Variants in SPOCK1 observed in about 807,000 individuals in gnomAD.
SPOCK1 encodes testican-1.
In SPOCK1, 23 loss-of-function variants were observed where a neutral mutation model predicts 55.3. That is an observed-to-expected ratio of 0.42 (90% CI 0.30 to 0.59). SPOCK1 has a LOEUF of 0.59. Among genes scored for constraint, SPOCK1 ranks in the 20% least tolerant of loss-of-function variants. The pLI, the probability that SPOCK1 is intolerant of heterozygous loss-of-function variation, is 0.22. For synonymous variants in SPOCK1, 226 were observed against 221.0 expected, an observed-to-expected ratio of 1.02 and a Z score of -0.20; for missense variants, 499 against 552.5, an observed-to-expected ratio of 0.90 and a Z score of 0.97.
chr5:137,050,570 C>A (rs972912718), intron 6 of SPOCK1, among the ~76,000 whole-genome samples: 4 of 151,774 alleles, frequency 2.6e-5, no homozygotes, highest in Non-Finnish European at 5.9e-5. Context: ...AACCCGGTAC[C>A]TCAGATGGAA....
intron 3 of SPOCK1, among the ~76,000 whole-genome samples, chr5:137,205,037 T>G (rs1381667510): frequency 6.6e-6 from 1 of 152,186 alleles, no homozygotes; most frequent in Admixed American, 6.5e-5. Context: ...AGAAGATGAT[T>G]TATTCCCTAT....
chr5:137,004,514 G>A (rs1289082896), intron 6 of SPOCK1, among the ~76,000 whole-genome samples: 1 of 152,100 alleles, frequency 6.6e-6, no homozygotes, highest in Admixed American at 6.5e-5. Context: ...GGCTCAGAGA[G>A]GATCGTGTGA....
intron 2 of SPOCK1, among the ~76,000 whole-genome samples, chr5:137,351,055 C>T (rs1253643684): frequency 6.6e-6 from 1 of 152,208 alleles, no homozygotes; most frequent in Non-Finnish European, 1.5e-5. Context: ...GCAAATTCCA[C>T]ATCTGTTTCA....
At chr5:137,085,380 A>G (rs1471526111) in intron 5 of SPOCK1, among the ~76,000 whole-genome samples, 1 of 152,198 alleles carries the variant, frequency 6.6e-6, no homozygotes, top group Non-Finnish European at 1.5e-5. Flanking sequence ...GCAGAAAGTG[A>G]CATTTCCCCA....
intron 3 of SPOCK1, among the ~76,000 whole-genome samples, chr5:137,152,826 C>CA (rs1429736075): frequency 2.6e-4 from 40 of 152,216 alleles, no homozygotes; most frequent in African/African-American, 9.2e-4. Context: ...CCTCAAACAT[C>CA]TGAGGTGCTT....
chr5:137,299,186 A>G (rs1198537283), intron 2 of SPOCK1, among the ~76,000 whole-genome samples: 1 of 152,088 alleles, frequency 6.6e-6, no homozygotes, highest in Admixed American at 6.5e-5. Flanking sequence ...TCCTTAATTA[A>G]AACAGTCTAG....
chr5:137,301,776 C>T (rs1271789861), intron 2 of SPOCK1, among the ~76,000 whole-genome samples: 1 of 151,548 alleles, frequency 6.6e-6, no homozygotes, highest in Non-Finnish European at 1.5e-5. Flanking sequence ...TGTACACAAG[C>T]AGAGACAATT....
intron 2 of SPOCK1, among the ~76,000 whole-genome samples, chr5:137,324,530 G>C (rs1353013477): frequency 6.6e-6 from 1 of 152,130 alleles, no homozygotes; most frequent in Non-Finnish European, 1.5e-5. Flanking sequence ...CAAAAGAGGA[G>C]ATACTGCATC....
intron 6 of SPOCK1, among the ~76,000 whole-genome samples, chr5:137,011,427 T>A (rs1751346197): frequency 6.6e-6 from 1 of 152,174 alleles, no homozygotes; most frequent in Non-Finnish European, 1.5e-5. Context: ...GAGATTGAAT[T>A]CATGGTGTAA....
intron 4 of SPOCK1, among the ~76,000 whole-genome samples, chr5:137,131,989 A>AAAAAAAAAAAATATAT (rs1391176339): frequency 2.8e-5 from 1 of 36,068 alleles, no homozygotes; most frequent in African/African-American, 1.9e-4. Flanking sequence ...AAAAAAAAAA[A>AAAAAAAAAAAATATAT]ATATATATAT....
At chr5:137,125,320 T>C (rs547438439) in intron 4 of SPOCK1, among the ~76,000 whole-genome samples, 16 of 152,254 alleles carry the variant, frequency 1.1e-4, no homozygotes, top group African/African-American at 3.6e-4. Flanking sequence ...ATCTGGGCAT[T>C]GCAAGTGAGT....
rs1171881114 is a variant in SPOCK1, at chr5:136,976,720, T to A, written c.*1934A>T. ...ATGGAGTTGAGATCCCAAAACAGAGTTTGCCTATGGTCTGTCTTCCTATGG... is the reference window on the plus strand; with the variant it reads ...ATGGAGTTGAGATCCCAAAACAGAGATTGCCTATGGTCTGTCTTCCTATGG... On this transcript the variant is annotated 3_prime_UTR_variant, in exon 11 of 11. Transcript: ENST00000394945. 1 of 152,256 alleles carries A rather than the reference T, an allele frequency of 6.6e-6. No individual in the cohort carries two copies. Among genetic ancestry groups the A allele is most frequent in the Non-Finnish European group, 1.5e-5 (1 of 68,006 alleles). 9.4% of individuals were successfully genotyped at this position (152,256 alleles called of 1,614,324 possible).
intron 2 of SPOCK1, chr5:137,365,544 G>A (rs756745287): frequency 6.6e-6 from 1 of 152,092 alleles, no homozygotes; most frequent in African/African-American, 2.4e-5. Flanking sequence ...CTCTTTGGAG[G>A]GTCTTGGTTA....
rs768799773 is a variant in SPOCK1 at position 137,364,032 on chromosome 5, C to CCCCAG, written c.187-96982_187-96978dup. Among the ~76,000 whole-genome samples the CCCCAG allele has an allele frequency of 1.2e-4, 19 of 152,310 alleles. No individual in the cohort carries two copies. The East Asian group carries it at 3.1e-3, about 25-fold the overall frequency. On this transcript the variant is annotated intron_variant, in intron 2 of 10. Coordinates refer to ENST00000394945, the MANE Select transcript of SPOCK1 (RefSeq NM_004598.4). ...CTGAGATCCCAGGGCCCTGCACCTG[C>CCCCAG]CCCAGCCCAGCCCAGCCCTGCTGCT...
intron 2 of SPOCK1, among the ~76,000 whole-genome samples, chr5:137,462,108 G>A (rs546474159): frequency 6.6e-6 from 1 of 152,254 alleles, no homozygotes; most frequent in South Asian, 2.1e-4. Context: ...GCGAGAGGAA[G>A]TGGGAAGGTC....
chr5:137,228,214 T>C (rs922998500), intron 3 of SPOCK1, among the ~76,000 whole-genome samples: 7 of 152,190 alleles, frequency 4.6e-5, no homozygotes, highest in Non-Finnish European at 7.3e-5. Flanking sequence ...GAGGCTGTCA[T>C]TGTACACAGT....
intron 2 of SPOCK1, among the ~76,000 whole-genome samples, chr5:137,449,935 A>G (rs1160002135): frequency 3.3e-5 from 5 of 151,020 alleles, no homozygotes; most frequent in Non-Finnish European, 7.4e-5. Context: ...AGAAAAAGAA[A>G]GAAAGGAAAC....
chr5:137,328,789 A>T (rs1184097434), intron 2 of SPOCK1, among the ~76,000 whole-genome samples: 2 of 152,166 alleles, frequency 1.3e-5, no homozygotes, highest in Non-Finnish European at 2.9e-5. Context: ...CCACACCACC[A>T]ACCCAAGCCA....
chr5:137,329,626 C>T (rs1039523395), intron 2 of SPOCK1, among the ~76,000 whole-genome samples: 9 of 152,128 alleles, frequency 5.9e-5, no homozygotes, highest in African/African-American at 2.2e-4. Flanking sequence ...GGAACTGATG[C>T]AAAGCGTGGG....
Sources: gnomAD v4.1 joint callset for allele counts (sites outside exome capture counted in the v4.1 genomes callset) on GRCh38, gnomAD v4.1.1 for gene constraint, MANE v1.5 for transcripts, NCBI Gene and HGNC (gene_info 2026-07-23, HGNC 2026-07-21) for gene names.